Variants in BRIP1 observed in about 807,000 individuals in gnomAD.
BRIP1 encodes Fanconi anemia group J protein.
A neutral mutation model predicts 119.7 loss-of-function variants in BRIP1; 88 were observed. That is an observed-to-expected ratio of 0.74 (90% confidence interval 0.62 to 0.88). The LOEUF is 0.88. Ranked by LOEUF, BRIP1 falls within the 40% of genes least tolerant of loss-of-function variation. The pLI, the probability that BRIP1 is intolerant of heterozygous loss-of-function variation, is 0.00. For missense variants in BRIP1, 1,259 were observed against 1,455.4 expected (o/e 0.87, Z 2.20); for synonymous variants, 443 against 496.5 (o/e 0.89, Z 1.43).
rs765314472 is a variant in BRIP1 at position 61,780,299 on chromosome 17, T to C, written c.1897A>G (p.Ile633Val). 2 of 1,613,062 alleles carry C rather than the reference T, an allele frequency of 1.2e-6. No homozygotes were observed. Among genetic ancestry groups the C allele is most frequent in the Non-Finnish European group, 1.7e-6 (2 of 1,179,316 alleles). The change falls in exon 13 of 20, where the codon ATC becomes GTC. Residue 633 changes from isoleucine to valine, a missense_variant. Around this residue, in one of 3 missense-constraint regions of BRIP1, gnomAD observed 753 missense variants for 891.8 expected, o/e 0.84. Transcript: ENST00000259008. The surrounding 1 kb of genome is among the most constrained non-coding windows in gnomAD (Gnocchi z 5.4). ...ATGATATGATTAGCCTCCAGCTGGA[T>C]AGTAAATGTAACACCAAGTTCTGAC... ...FSSELGVTFT[I>V]QLEANHIIKN...
At chr17:61,716,707 T>C (rs117044967) in intron 16 of BRIP1, among the ~76,000 whole-genome samples, 1,189 of 91,302 alleles carry the variant, frequency 0.013, 11 homozygotes, top group Middle Eastern at 0.035. Context: ...ACCACCTTGC[T>C]TCCCCCCTAC....
At position 61,686,149 on chromosome 17, in the gene BRIP1, T is replaced by C. The variant is rs2061361778; in HGVS notation, c.2592A>G (p.Val864=). 1.2e-6 allele frequency: 2 copies of C among 1,614,084 alleles called. No homozygotes were observed. Among genetic ancestry groups the C allele is most frequent in the African/African-American group, 1.3e-5 (1 of 75,050 alleles). Residue 864 remains valine (V), a synonymous_variant, in exon 19 of 20, where the codon GTA becomes GTG. Coordinates refer to ENST00000259008, the MANE Select transcript of BRIP1 (RefSeq NM_032043.3). The surrounding 1 kb of genome is among the most constrained non-coding windows in gnomAD (Gnocchi z 5.4). ...SRYISGLSKW[V]RQQIQHHSTF... is the part of the protein sequence containing the mutation. ...TTGAATGGTGCTGAATCTGCTGCCG[T>C]ACCCATTTAGAAAGTCCTAAAGAAA...
rs1177799255 is a variant in BRIP1 at position 61,841,546 on chromosome 17, A to T, written c.627+5555T>A. The stretch of plus-strand genomic sequence containing the variant: ...GCTTACTATCGAAAAGACAAAAAAA[A>T]ATAACAAATGTTAGTGACGATGTGG... On this transcript the variant is annotated intron_variant, in intron 6 of 19. Transcript: ENST00000259008. The surrounding 1 kb of genome is among the most constrained non-coding windows in gnomAD (Gnocchi z 4.1). 6.6e-6 allele frequency among the ~76,000 whole-genome samples: 1 copy of T among 152,200 alleles called. No homozygotes were observed. Among genetic ancestry groups the T allele is most frequent in the Non-Finnish European group, 1.5e-5 (1 of 68,028 alleles).
rs1231392497 is a variant in BRIP1, at chr17:61,681,629, T to C, written c.*1667A>G. 5.0e-6 allele frequency: 1 copy of C among 199,626 alleles called. No homozygotes were observed. The highest frequency in any genetic ancestry group is 1.0e-5 in the Non-Finnish European group (1 of 96,702). The allele number at this position is 199,626 out of a possible 1,614,324, so 12.4% of individuals were successfully genotyped here. ...AAACAATGTAAAAATTACCTTCTAA[T>C]CGAGTATTTGGTATTTACTGCTCAA... On this transcript the variant is annotated 3_prime_UTR_variant, in exon 20 of 20. Coordinates refer to ENST00000259008, the MANE Select transcript of BRIP1 (RefSeq NM_032043.3). This position sits in a 1 kb window ranked among gnomAD's most constrained non-coding sequence, Gnocchi z 5.1.
rs1488176777 is a variant in BRIP1 at position 61,746,978 on chromosome 17, AG to A, written c.2098-2388del. Among the ~76,000 whole-genome samples the A allele has an allele frequency of 7.2e-5, 11 of 152,196 alleles. No homozygotes were observed. Among genetic ancestry groups the A allele is most frequent in the Admixed American group, 7.2e-4 (11 of 15,276 alleles). ...CAAATGTAAGATAAAAATTAATACCAGGTATCTTTTGCAACCACAACAGAAT... is the reference window on the plus strand; with the variant it reads ...CAAATGTAAGATAAAAATTAATACCAGTATCTTTTGCAACCACAACAGAAT... On this transcript the variant is annotated intron_variant, in intron 14 of 19. Coordinates refer to ENST00000259008, the MANE Select transcript of BRIP1 (RefSeq NM_032043.3). The surrounding 1 kb of genome is among the most constrained non-coding windows in gnomAD (Gnocchi z 4.9).
rs956764780 is a variant in BRIP1, at chr17:61,689,246, G to A, written c.2576-3081C>T. Among the ~76,000 whole-genome samples, 1 of 151,906 alleles carries A rather than the reference G, an allele frequency of 6.6e-6. No homozygotes were observed. Among genetic ancestry groups the A allele is most frequent in the Non-Finnish European group, 1.5e-5 (1 of 67,978 alleles). On this transcript the variant is annotated intron_variant, in intron 18 of 19. Transcript: ENST00000259008. This position sits in a 1 kb window ranked among gnomAD's most constrained non-coding sequence, Gnocchi z 4.5. ...TTTAGTAGAGGTGGGGTTTCACCAC[G>A]TTGGCCAGGCTGGTCTTGAACTCCT...
rs547887930 is a variant in BRIP1, at chr17:61,834,691, G to C, written c.627+12410C>G. 6.6e-6 allele frequency among the ~76,000 whole-genome samples: 1 copy of C among 152,258 alleles called. No homozygotes were observed. The highest frequency in any genetic ancestry group is 2.1e-4 in the South Asian group (1 of 4,824). On this transcript the variant is annotated intron_variant, in intron 6 of 19. Coordinates refer to ENST00000259008, the MANE Select transcript of BRIP1 (RefSeq NM_032043.3). The surrounding 1 kb of genome is among the most constrained non-coding windows in gnomAD (Gnocchi z 4.4). ...AAAAGGCATTTGTACACTGGGGCTT[G>C]TTCTCTTGCTGCTCTTGGAACCCTG...
chr17:61,823,348 T>C lies in BRIP1; in HGVS notation c.628-14591A>G, dbSNP rs2078354163. On this transcript the variant is annotated intron_variant, in intron 6 of 19. Transcript: ENST00000259008. This position sits in a 1 kb window ranked among gnomAD's most constrained non-coding sequence, Gnocchi z 4.8. ...AACTACTAACAAATTGGACAAGATA[T>C]ATGAAACAGTACTTTTCAGACACTG... Among the ~76,000 whole-genome samples, 1 of 152,196 alleles carries C rather than the reference T, an allele frequency of 6.6e-6. No individual in the cohort carries two copies.
At position 61,753,773 on chromosome 17, in the gene BRIP1, G is replaced by GAAC. The variant is rs933732380; in HGVS notation, c.2098-9185_2098-9183dup. Among the ~76,000 whole-genome samples the GAAC allele has an allele frequency of 7.3e-5, 11 of 151,242 alleles. No individual in the cohort carries two copies. The highest frequency in any genetic ancestry group is 7.3e-5 in the African/African-American group (3 of 40,932). On this transcript the variant is annotated intron_variant, in intron 14 of 19. Coordinates refer to ENST00000259008, the MANE Select transcript of BRIP1 (RefSeq NM_032043.3). The surrounding 1 kb of genome is among the most constrained non-coding windows in gnomAD (Gnocchi z 4.6). ...TGCACTGCCATGTCTGGCTTGAAAAGAACAACAACAACAACAACAACAAAA... is the reference window on the plus strand; with the variant it reads ...TGCACTGCCATGTCTGGCTTGAAAAGAACAACAACAACAACAACAACAACAAAA...
chr17:61,841,878 C>T lies in BRIP1; in HGVS notation c.627+5223G>A, dbSNP rs139659699. On this transcript the variant is annotated intron_variant, in intron 6 of 19. Coordinates refer to ENST00000259008, the MANE Select transcript of BRIP1 (RefSeq NM_032043.3). This position sits in a 1 kb window ranked among gnomAD's most constrained non-coding sequence, Gnocchi z 4.1. Reference sequence around the variant, plus strand: ...AAAAATTTTGTACAGATGGGGTTCTCGCTATGTTGCCGGGGCTGGTCTCAA... The same window carrying T: ...AAAAATTTTGTACAGATGGGGTTCTTGCTATGTTGCCGGGGCTGGTCTCAA... Among the ~76,000 whole-genome samples the T allele has an allele frequency of 1.3e-3, 194 of 152,182 alleles. 3 individuals are homozygous for T. In the East Asian group the frequency reaches 0.02, roughly 15 times the overall value.
intron 16 of BRIP1, 45 bp from the exon 17 acceptor site, chr17:61,716,108 G>T: frequency 8.4e-7 from 1 of 1,185,824 alleles, no homozygotes; most frequent in Non-Finnish European, 1.2e-6. Flanking sequence ...GATAATTAAA[G>T]CTCATTTTAA....
rs1407921664 is a variant in BRIP1, at chr17:61,705,250, G to A, written c.2492+10701C>T. Among the ~76,000 whole-genome samples the A allele has an allele frequency of 6.6e-6, 1 of 152,116 alleles. No homozygotes were observed. The highest frequency in any genetic ancestry group is 1.9e-4 in the East Asian group (1 of 5,192). On this transcript the variant is annotated intron_variant, in intron 17 of 19. Coordinates refer to ENST00000259008, the MANE Select transcript of BRIP1 (RefSeq NM_032043.3). This position sits in a 1 kb window ranked among gnomAD's most constrained non-coding sequence, Gnocchi z 5.0. ...GATAATGGCCTCCAGTTGCATCCAT[G>A]TTGCGGCAAGGACATGATTTCATTC...
At chr17:61,783,050 T>C (rs1028442943) in intron 11 of BRIP1, among the ~76,000 whole-genome samples, 1 of 152,178 alleles carries the variant, frequency 6.6e-6, no homozygotes, top group East Asian at 1.9e-4. Flanking sequence ...TAGGTACTTA[T>C]ATACACCCAG....
intron 6 of BRIP1, among the ~76,000 whole-genome samples, chr17:61,837,055 G>T (rs767551712): frequency 3.9e-5 from 6 of 152,090 alleles, no homozygotes; most frequent in Non-Finnish European, 7.4e-5. Flanking sequence ...TTCCTGATAC[G>T]GTTGTTATAA....
In BRIP1 at chr17:61,843,889, C is replaced by T. The variant is rs145852182; in HGVS notation, c.627+3212G>A. On this transcript the variant is annotated intron_variant, in intron 6 of 19. Coordinates refer to ENST00000259008, the MANE Select transcript of BRIP1 (RefSeq NM_032043.3). This position sits in a 1 kb window ranked among gnomAD's most constrained non-coding sequence, Gnocchi z 5.7. ...ATATATATTAAAACATCATGTTTTA[C>T]ACCTAAAATATATATAATTTTTATT... Among the ~76,000 whole-genome samples the T allele has an allele frequency of 3.7e-3, 556 of 151,942 alleles. 2 individuals are homozygous for T. The highest frequency in any genetic ancestry group is 0.012 in the African/African-American group (505 of 41,480).
Position 61,725,181 on chromosome 17 carries a change from G to C in BRIP1, c.2380-9118C>G, listed in dbSNP as rs2144510979. Among the ~76,000 whole-genome samples, 1 of 152,068 alleles carries C rather than the reference G, an allele frequency of 6.6e-6. No individual in the cohort carries two copies. The highest frequency in any genetic ancestry group is 1.9e-4 in the East Asian group (1 of 5,186). On this transcript the variant is annotated intron_variant, in intron 16 of 19. Coordinates refer to ENST00000259008, the MANE Select transcript of BRIP1 (RefSeq NM_032043.3). This position sits in a 1 kb window ranked among gnomAD's most constrained non-coding sequence, Gnocchi z 5.3. Reference sequence around the variant, plus strand: ...TTTTTTAAATGGGGAAAATGAGTTAGTTTCTGCCAAGAGTTAAGAAGCCAG... The same window carrying C: ...TTTTTTAAATGGGGAAAATGAGTTACTTTCTGCCAAGAGTTAAGAAGCCAG...
chr17:61,693,344 G>C lies in BRIP1; in HGVS notation c.2575+86C>G. The C allele has an allele frequency of 8.6e-7, 1 of 1,165,002 alleles. No individual in the cohort carries two copies. Among genetic ancestry groups the C allele is most frequent in the South Asian group, 1.2e-5 (1 of 81,426 alleles). 72.2% of individuals were successfully genotyped at this position (1,165,002 alleles called of 1,614,324 possible). On this transcript the variant is annotated intron_variant, in intron 18 of 19. Coordinates refer to ENST00000259008, the MANE Select transcript of BRIP1 (RefSeq NM_032043.3). The surrounding 1 kb of genome is among the most constrained non-coding windows in gnomAD (Gnocchi z 4.2). Reference sequence around the variant, plus strand: ...ATTGTACTGTGCACTTAATAAGATAGTAGAGCTCATGTTATGTGTTTTTCA... The same window carrying C: ...ATTGTACTGTGCACTTAATAAGATACTAGAGCTCATGTTATGTGTTTTTCA...
At position 61,774,273 on chromosome 17, in the gene BRIP1, A is replaced by C. The variant is rs2077501286; in HGVS notation, c.2097+2128T>G. 6.6e-6 allele frequency among the ~76,000 whole-genome samples: 1 copy of C among 152,232 alleles called. No homozygotes were observed. Among genetic ancestry groups the C allele is most frequent in the Admixed American group, 6.5e-5 (1 of 15,282 alleles). ...TGCAGCCATAAAAAAGGATGAGTTC[A>C]TGTCCTTTGCAGGGACATGGATGAA... On this transcript the variant is annotated intron_variant, in intron 14 of 19. Transcript: ENST00000259008. The surrounding 1 kb of genome is among the most constrained non-coding windows in gnomAD (Gnocchi z 5.8).
Position 61,804,446 on chromosome 17 carries a change from G to GTGTGCA in BRIP1, c.919-2973_919-2972insTGCACA. On this transcript the variant is annotated intron_variant, in intron 7 of 19. Coordinates refer to ENST00000259008, the MANE Select transcript of BRIP1 (RefSeq NM_032043.3). The surrounding 1 kb of genome is among the most constrained non-coding windows in gnomAD (Gnocchi z 4.5). ...TGTGTGTGTGTGTGTGTGTGTGTGT[G>GTGTGCA]TATGTGTGTGTACATACACATACAT... 7.1e-6 allele frequency among the ~76,000 whole-genome samples: 1 copy of GTGTGCA among 140,794 alleles called. No homozygotes were observed. Among genetic ancestry groups the GTGTGCA allele is most frequent in the African/African-American group, 2.6e-5 (1 of 39,082 alleles). 92.4% of individuals were successfully genotyped at this position (140,794 alleles called of 152,430 possible).
Sources: gnomAD v4.1 joint callset for allele counts (sites outside exome capture counted in the v4.1 genomes callset) on GRCh38, gnomAD v4.1.1 for gene constraint, gnomAD v4.1.1 regional missense constraint, Gnocchi (gnomAD v3.1) non-coding constraint, MANE v1.5 for transcripts, NCBI Gene and HGNC (gene_info 2026-07-23, HGNC 2026-07-21) for gene names.